The following RARB variants were observed in gnomAD, a reference collection of about 807,000 sequenced individuals.
RARB encodes the protein retinoic acid receptor beta, also known as HBV-activated protein.
Under a neutral mutation model 51.9 loss-of-function variants are expected in RARB, and 17 were observed. The ratio of observed to expected loss-of-function variants is 0.33; its 90% CI spans 0.22 to 0.49. The LOEUF (loss-of-function observed/expected upper bound fraction) is 0.49, where lower values mean the gene tolerates loss of function less well. RARB is among the 20% of genes least tolerant of loss of function. The pLI, the probability that RARB is intolerant of heterozygous loss-of-function variation, is 0.99. For missense variants in RARB, 369 were observed against 550.8 expected (o/e 0.67, Z 3.30); for synonymous variants, 215 against 195.4 (o/e 1.10, Z -0.84).
intron 2 of RARB, among the ~76,000 whole-genome samples, chr3:24,961,310 C>G (rs553124317): frequency 1.3e-5 from 2 of 152,168 alleles, no homozygotes; most frequent in Non-Finnish European, 2.9e-5. Context: ...TTTTCCAGAC[C>G]AAGAATAAAT....
At chr3:25,264,776 C>T (rs1251040079) in intron 5 of RARB, among the ~76,000 whole-genome samples, 3 of 152,102 alleles carry the variant, frequency 2.0e-5, no homozygotes, top group Non-Finnish European at 2.9e-5. Flanking sequence ...ACACACTTTT[C>T]TCCTTCTTCA....
chr3:25,379,777 C>G (rs1377600168), intron 5 of RARB, among the ~76,000 whole-genome samples: 1 of 152,172 alleles, frequency 6.6e-6, no homozygotes, highest in Admixed American at 6.5e-5. Flanking sequence ...TGAGGTATAT[C>G]TCATAGCTAA....
intron 2 of RARB, among the ~76,000 whole-genome samples, chr3:25,475,683 T>C (rs1695911574): frequency 6.6e-6 from 1 of 152,158 alleles, no homozygotes; most frequent in Non-Finnish European, 1.5e-5. Context: ...CCAAGTCACC[T>C]CTCCTCTCAT....
Position 24,886,533 on chromosome 3 carries a change from C to T in RARB, c.-380+27781C>T, listed in dbSNP as rs138235843. Among the ~76,000 whole-genome samples the T allele has an allele frequency of 6.3e-3, 952 of 151,906 alleles. 3 individuals carry two copies. Among genetic ancestry groups the T allele is most frequent in the Middle Eastern group, 0.017 (5 of 294 alleles). On this transcript the variant is annotated intron_variant, in intron 2 of 11. Transcript: ENST00000383772. Reference sequence around the variant, plus strand: ...AATCATGGCTTACTGCAGCCTTTACCTCCCGGACTCAAGCCATTCTTTCTC... The same window carrying T: ...AATCATGGCTTACTGCAGCCTTTACTTCCCGGACTCAAGCCATTCTTTCTC...
At chr3:24,941,562 GT>G (rs1271733449) in intron 2 of RARB, among the ~76,000 whole-genome samples, 5 of 152,082 alleles carry the variant, frequency 3.3e-5, no homozygotes, top group Non-Finnish European at 7.4e-5. Flanking sequence ...TAGAGACGGG[GT>G]TTCCCCACGT....
chr3:25,477,253 A>G (rs952172371), intron 2 of RARB, among the ~76,000 whole-genome samples: 11 of 152,188 alleles, frequency 7.2e-5, no homozygotes, highest in African/African-American at 2.7e-4. Context: ...TGCCTGCCCC[A>G]TCTGTCTTGC....
At chr3:25,256,091 A>T (rs1207358793) in intron 5 of RARB, among the ~76,000 whole-genome samples, 2 of 152,106 alleles carry the variant, frequency 1.3e-5, no homozygotes, top group Non-Finnish European at 2.9e-5. Flanking sequence ...CCAATACCTT[A>T]ATTACTTCAA....
At chr3:24,911,276 A>G (rs1694984434) in intron 2 of RARB, among the ~76,000 whole-genome samples, 1 of 152,196 alleles carries the variant, frequency 6.6e-6, no homozygotes, top group Admixed American at 6.5e-5. Context: ...AGACCTCCCA[A>G]CAAGTGACAT....
At chr3:25,136,704 G>A (rs1426107283) in intron 4 of RARB, among the ~76,000 whole-genome samples, 1 of 152,000 alleles carries the variant, frequency 6.6e-6, no homozygotes, top group Non-Finnish European at 1.5e-5. Context: ...AACTGGGAGG[G>A]AAGATGATTT....
rs1702864197 is a variant in RARB, at chr3:25,256,323, C to G, written c.178+81748C>G. Among the ~76,000 whole-genome samples, 3 of 152,158 alleles carry G rather than the reference C, an allele frequency of 2.0e-5. No homozygotes were observed. In the South Asian group the frequency reaches 6.2e-4, roughly 31 times the overall value. Reference sequence around the variant, plus strand: ...ATATGTGAAGAATCTGAAGAACACACTGTTACCTTTACTTATCTCCTTTTT... The same window carrying G: ...ATATGTGAAGAATCTGAAGAACACAGTGTTACCTTTACTTATCTCCTTTTT... On this transcript the variant is annotated intron_variant, in intron 5 of 11. Transcript: ENST00000383772.
At chr3:25,335,967 A>G (rs570277804) in intron 5 of RARB, among the ~76,000 whole-genome samples, 3 of 152,194 alleles carry the variant, frequency 2.0e-5, no homozygotes, top group African/African-American at 7.2e-5. Context: ...ATCCTCTAAA[A>G]CACAGGTTTT....
At chr3:25,193,252 A>G (rs1701147115) in intron 5 of RARB, among the ~76,000 whole-genome samples, 1 of 152,012 alleles carries the variant, frequency 6.6e-6, no homozygotes, top group African/African-American at 2.4e-5. Context: ...CCCCATTCAA[A>G]GGAAGAATGA....
intron 4 of RARB, among the ~76,000 whole-genome samples, chr3:25,151,506 C>G (rs532569656): frequency 5.9e-5 from 9 of 152,134 alleles, no homozygotes; most frequent in African/African-American, 1.9e-4. Context: ...CAGCTGCCTT[C>G]GTCTCTTTGA....
At chr3:24,891,941 G>T (rs1703387506) in intron 2 of RARB, among the ~76,000 whole-genome samples, 1 of 152,092 alleles carries the variant, frequency 6.6e-6, no homozygotes, top group African/African-American at 2.4e-5. Context: ...AAGTAGATGG[G>T]GGACAGTGGT....
intron 5 of RARB, among the ~76,000 whole-genome samples, chr3:25,359,317 A>C (rs896593937): frequency 6.6e-6 from 1 of 151,902 alleles, no homozygotes; most frequent in African/African-American, 2.4e-5. Context: ...CTGTGGGTTC[A>C]GTGGTGATCT....
intron 3 of RARB, among the ~76,000 whole-genome samples, chr3:25,119,563 T>C (rs925737604): frequency 2.0e-5 from 3 of 151,826 alleles, no homozygotes; most frequent in Non-Finnish European, 4.4e-5. Context: ...ATCTTTCAAA[T>C]GCAGGGTGCA....
At chr3:25,009,570 CTG>C (rs1697350271) in intron 2 of RARB, among the ~76,000 whole-genome samples, 1 of 152,040 alleles carries the variant, frequency 6.6e-6, no homozygotes, top group Non-Finnish European at 1.5e-5. Flanking sequence ...GTAGGTGTCT[CTG>C]TAATTGTCAC....
intron 2 of RARB, among the ~76,000 whole-genome samples, chr3:24,880,579 G>T (rs1283537255): frequency 6.6e-6 from 1 of 152,082 alleles, no homozygotes; most frequent in African/African-American, 2.4e-5. Context: ...TTCTCAACAT[G>T]GGTTGTGAAT....
At chr3:25,272,212 C>G (rs750649374) in intron 5 of RARB, among the ~76,000 whole-genome samples, 1 of 152,128 alleles carries the variant, frequency 6.6e-6, no homozygotes, top group African/African-American at 2.4e-5. Flanking sequence ...AAAAGTTGTT[C>G]ATCTCCGGTT....
Sources: allele counts gnomAD v4.1 joint callset (sites outside exome capture counted in the v4.1 genomes callset), GRCh38; gene constraint gnomAD v4.1.1; transcripts MANE v1.5; gene names NCBI Gene and HGNC (gene_info 2026-07-23, HGNC 2026-07-21).